RERE: variants seen among roughly 807,000 people sequenced by gnomAD.
RERE encodes the protein arginine-glutamic acid dipeptide repeats, also known as arginine-glutamic acid dipeptide repeats protein.
In RERE, 40 loss-of-function variants were observed where a neutral mutation model predicts 146.1. That is an observed-to-expected ratio of 0.27 (90% CI 0.21 to 0.36). RERE has a LOEUF of 0.36. RERE is among the 10% of genes least tolerant of loss of function. The probability of loss-of-function intolerance (pLI) is 1.00; values close to 1 mark genes in which losing one functional copy is unlikely to be tolerated. For missense variants in RERE, 1,933 were observed against 2,138.7 expected, an observed-to-expected ratio of 0.90 and a Z score of 1.90; for synonymous variants, 1,003 against 866.0, an observed-to-expected ratio of 1.16 and a Z score of -2.78.
chr1:8,737,961 T>C (rs1206392800), intron 1 of RERE, among the ~76,000 whole-genome samples: 1 of 152,224 alleles, frequency 6.6e-6, no homozygotes, highest in East Asian at 1.9e-4. Flanking sequence ...ATTATAAATC[T>C]AGTTATGAGA....
chr1:8,691,778 T>C (rs1016973911), intron 1 of RERE, among the ~76,000 whole-genome samples: 9 of 152,238 alleles, frequency 5.9e-5, no homozygotes, highest in Admixed American at 2.0e-4. Context: ...TGGGTACTTA[T>C]ATGCCACAAT....
In RERE at chr1:8,579,661, TCTTAA is replaced by T. The variant is rs571598430; in HGVS notation, c.523-22143_523-22139del. On this transcript the variant is annotated intron_variant, in intron 4 of 22. Transcript: ENST00000400908. ...TCAAATCAGGCTCTAGAACAATGGT[TCTTAA>T]CTTTTGCTACAACTACCCCATCTGA... Among the ~76,000 whole-genome samples, 7 of 152,342 alleles carry T rather than the reference TCTTAA, an allele frequency of 4.6e-5. No homozygotes were observed. In the South Asian group the frequency reaches 1.2e-3, roughly 27 times the overall value.
intron 7 of RERE, among the ~76,000 whole-genome samples, chr1:8,538,592 A>G (rs1250662254): frequency 6.6e-6 from 1 of 152,250 alleles, no homozygotes; most frequent in Non-Finnish European, 1.5e-5. Context: ...CATTAGCTCC[A>G]CTGCTGCAAA....
intron 4 of RERE, among the ~76,000 whole-genome samples, chr1:8,577,178 T>A: frequency 6.6e-6 from 1 of 151,362 alleles, no homozygotes. Context: ...AAAAAAAAGA[T>A]GAAAGAAAGA....
chr1:8,635,326 G>A (rs1248195010), intron 2 of RERE, among the ~76,000 whole-genome samples: 1 of 152,160 alleles, frequency 6.6e-6, no homozygotes, highest in Non-Finnish European at 1.5e-5. Context: ...AAGGGATTTT[G>A]TCTGGTAATC....
At chr1:8,395,916 C>T (rs1323296287) in intron 12 of RERE, among the ~76,000 whole-genome samples, 1 of 152,148 alleles carries the variant, frequency 6.6e-6, no homozygotes, top group Non-Finnish European at 1.5e-5. Flanking sequence ...AAGGAACACT[C>T]GAACGAGGAC....
chr1:8,382,452 G>A (rs547142307), intron 12 of RERE, among the ~76,000 whole-genome samples: 58 of 152,384 alleles, frequency 3.8e-4, no homozygotes, highest in African/African-American at 1.3e-3. Context: ...GCATGCGTGC[G>A]TGTGCATGAG....
At chr1:8,561,614 T>C (rs1469759234) in intron 4 of RERE, among the ~76,000 whole-genome samples, 1 of 152,216 alleles carries the variant, frequency 6.6e-6, no homozygotes, top group African/African-American at 2.4e-5. Flanking sequence ...GTAGATAAAA[T>C]GATGCTGTGG....
At chr1:8,469,150 G>T (rs1386941572) in intron 10 of RERE, among the ~76,000 whole-genome samples, 1 of 147,548 alleles carries the variant, frequency 6.8e-6, no homozygotes, top group African/African-American at 2.5e-5. Flanking sequence ...CTTTTAAAAA[G>T]AAAAAAAAAA....
chr1:8,705,504 G>T (rs1444608252), intron 1 of RERE, among the ~76,000 whole-genome samples: 1 of 152,152 alleles, frequency 6.6e-6, no homozygotes, highest in Non-Finnish European at 1.5e-5. Context: ...CTTCCCCTGA[G>T]ATCCCATTCT....
intron 2 of RERE, among the ~76,000 whole-genome samples, chr1:8,640,282 T>G (rs1647159687): frequency 6.6e-6 from 1 of 152,218 alleles, no homozygotes; most frequent in African/African-American, 2.4e-5. Context: ...AACTTTTTTT[T>G]TTAAACTATA....
chr1:8,768,278 C>T (rs1255224283), intron 1 of RERE, among the ~76,000 whole-genome samples: 2 of 152,192 alleles, frequency 1.3e-5, no homozygotes, highest in East Asian at 1.9e-4. Context: ...CACAGGAATA[C>T]TCTGCACTCT....
Position 8,479,296 on chromosome 1 carries a change from T to A in RERE, c.1105-13273A>T, listed in dbSNP as rs1023685048. 7.3e-5 allele frequency among the ~76,000 whole-genome samples: 11 copies of A among 151,410 alleles called. No individual in the cohort carries two copies. The East Asian group carries it at 7.8e-4, about 11-fold the overall frequency. Reference sequence around the variant, plus strand: ...AAAATAATAATAATGAGCTATTTTTTAAATTTTTTTTAAATTTTTTTTAAA... The same window carrying A: ...AAAATAATAATAATGAGCTATTTTTAAAATTTTTTTTAAATTTTTTTTAAA... On this transcript the variant is annotated intron_variant, in intron 10 of 22. Transcript: ENST00000400908.
intron 10 of RERE, among the ~76,000 whole-genome samples, chr1:8,490,349 A>AC (rs1314182865): frequency 6.7e-6 from 1 of 148,488 alleles, no homozygotes; most frequent in Non-Finnish European, 1.5e-5. Flanking sequence ...ATCTCAAAAA[A>AC]AAAAAAAAAA....
chr1:8,463,808 T>TGCAGAA (rs769877993), intron 11 of RERE, among the ~76,000 whole-genome samples: 6 of 151,890 alleles, frequency 4.0e-5, no homozygotes, highest in African/African-American at 1.2e-4. Flanking sequence ...CTGAGGGAAA[T>TGCAGAA]GCAGAAGCAG....
At chr1:8,523,458 C>G (rs776130972) in intron 7 of RERE, among the ~76,000 whole-genome samples, 2 of 152,162 alleles carry the variant, frequency 1.3e-5, no homozygotes, top group Non-Finnish European at 2.9e-5. Flanking sequence ...AGAAGCAGAA[C>G]CATAAGCCAA....
chr1:8,473,014 T>A (rs576174300), intron 10 of RERE, among the ~76,000 whole-genome samples: 1 of 152,342 alleles, frequency 6.6e-6, no homozygotes, highest in Admixed American at 6.5e-5. Flanking sequence ...GATTAGGGAA[T>A]CTGATAACAA....
At chr1:8,604,401 G>A (rs569401081) in intron 4 of RERE, among the ~76,000 whole-genome samples, 15 of 152,010 alleles carry the variant, frequency 9.9e-5, no homozygotes, top group East Asian at 1.9e-4. Context: ...AGGCTGAGAC[G>A]TGTTAAGAGG....
intron 1 of RERE, among the ~76,000 whole-genome samples, chr1:8,775,932 T>C (rs1316740761): frequency 6.6e-6 from 1 of 152,162 alleles, no homozygotes; most frequent in Non-Finnish European, 1.5e-5. Flanking sequence ...GCAGTAGAGC[T>C]CAGATTTAAA....
Sources: allele counts gnomAD v4.1 joint callset (sites outside exome capture counted in the v4.1 genomes callset), GRCh38; gene constraint gnomAD v4.1.1; transcripts MANE v1.5; gene names NCBI Gene and HGNC (gene_info 2026-07-23, HGNC 2026-07-21).